The following ZCWPW2 variants were observed in gnomAD, a reference collection of about 807,000 sequenced individuals.
ZCWPW2 encodes the protein zinc finger CW-type and PWWP domain containing 2, also known as zinc finger CW-type PWWP domain protein 2.
Under a neutral mutation model 46.6 loss-of-function variants are expected in ZCWPW2, and 45 were observed. The observed-to-expected ratio is 0.96, with a 90% CI of 0.76 to 1.24. ZCWPW2 has a LOEUF of 1.24. Among genes scored for constraint, ZCWPW2 ranks in the 50% most tolerant of loss-of-function variants. The probability of loss-of-function intolerance (pLI) is 0.00; values close to 1 mark genes in which losing one functional copy is unlikely to be tolerated. For synonymous variants in ZCWPW2, 152 were observed against 137.1 expected, an observed-to-expected ratio of 1.11 and a Z score of -0.76; for missense variants, 429 against 403.9, an observed-to-expected ratio of 1.06 and a Z score of -0.53.
At chr3:28,373,546 G>T (rs1347330893) in intron 1 of ZCWPW2, among the ~76,000 whole-genome samples, 1 of 151,872 alleles carries the variant, frequency 6.6e-6, no homozygotes, top group Admixed American at 6.6e-5. Context: ...GCAATCTCTG[G>T]CTCACTGCAA....
At position 28,476,767 on chromosome 3, in the gene ZCWPW2, G is replaced by T. The variant is rs139083288; in HGVS notation, c.493-2047G>T. ...GTGAAAGCACTGAGCTTGTTTTCCC[G>T]CAACTAGAGGGTCCCATCTGGGGGT... On this transcript the variant is annotated intron_variant, in intron 4 of 9. Transcript: ENST00000383768. Among the ~76,000 whole-genome samples the T allele has an allele frequency of 2.5e-3, 377 of 152,154 alleles. 1 individual carries two copies. The highest frequency in any genetic ancestry group is 8.3e-3 in the African/African-American group (345 of 41,524).
intron 3 of ZCWPW2, among the ~76,000 whole-genome samples, chr3:28,427,044 G>T (rs1693276835): frequency 6.6e-6 from 1 of 152,112 alleles, no homozygotes; most frequent in Admixed American, 6.5e-5. Context: ...TCAATGACTG[G>T]TATCTATCTG....
intron 4 of ZCWPW2, among the ~76,000 whole-genome samples, chr3:28,464,222 C>G (rs1349126100): frequency 6.6e-6 from 1 of 152,028 alleles, no homozygotes; most frequent in Non-Finnish European, 1.5e-5. Context: ...CCTGAGAAAT[C>G]TACACACTGA....
chr3:28,469,427 C>G (rs1038519745), intron 4 of ZCWPW2, among the ~76,000 whole-genome samples: 1 of 151,920 alleles, frequency 6.6e-6, no homozygotes, highest in African/African-American at 2.4e-5. Context: ...CATAGAGTGG[C>G]TGAATGGATA....
intron 1 of ZCWPW2, among the ~76,000 whole-genome samples, chr3:28,380,183 A>C (rs1344336874): frequency 2.6e-5 from 4 of 151,968 alleles, no homozygotes; most frequent in African/African-American, 9.7e-5. Context: ...ACGGGGTTTC[A>C]CCATGTTAGC....
rs140586013 is a variant in ZCWPW2 at position 28,367,125 on chromosome 3, T to G, written c.-134+17922T>G. On this transcript the variant is annotated intron_variant, in intron 1 of 9. Transcript: ENST00000383768. ...TGGCTTCATTGATTTTTTGAAGGGT[T>G]TTTTGTGTCTCTCTTTCCTTCAGTT... is the stretch of plus-strand genomic sequence containing the variant. Among the ~76,000 whole-genome samples, 385 of 152,312 alleles carry G rather than the reference T, an allele frequency of 2.5e-3. 1 individual carries two copies. Among genetic ancestry groups the G allele is most frequent in the African/African-American group, 8.4e-3 (349 of 41,572 alleles).
intron 2 of ZCWPW2, among the ~76,000 whole-genome samples, chr3:28,395,211 A>T (rs60492848): frequency 6.6e-6 from 1 of 152,122 alleles, no homozygotes; most frequent in Non-Finnish European, 1.5e-5. Context: ...CCACAATGAG[A>T]TAACTCTTCA....
At chr3:28,497,324 T>C (rs902752248) in intron 6 of ZCWPW2, among the ~76,000 whole-genome samples, 1 of 151,892 alleles carries the variant, frequency 6.6e-6, no homozygotes, top group Non-Finnish European at 1.5e-5. Context: ...TATATGTTAC[T>C]CTATAGATTT....
chr3:28,491,460 A>C (rs892313421), intron 5 of ZCWPW2, among the ~76,000 whole-genome samples: 1 of 152,102 alleles, frequency 6.6e-6, no homozygotes, highest in Non-Finnish European at 1.5e-5. Context: ...GTATAATGAG[A>C]AAATGTACTA....
intron 2 of ZCWPW2, among the ~76,000 whole-genome samples, chr3:28,400,736 A>G (rs1011859222): frequency 6.6e-6 from 1 of 152,198 alleles, no homozygotes; most frequent in African/African-American, 2.4e-5. Context: ...ATACAAACAA[A>G]TGCTAAGATA....
Position 28,515,628 on chromosome 3 carries a change from G to T in ZCWPW2, c.784+7G>T. Reference sequence around the variant, plus strand: ...TTATCAAAGGAGAACAGGGGTATGTGAAAGCCTGTCCTGCTTTTAGTTCTT... The same window carrying T: ...TTATCAAAGGAGAACAGGGGTATGTTAAAGCCTGTCCTGCTTTTAGTTCTT... On this transcript the variant is annotated splice_region_variant and intron_variant, in intron 8 of 9. Transcript: ENST00000383768. The T allele has an allele frequency of 6.2e-7, 1 of 1,600,240 alleles. No individual in the cohort carries two copies. The highest frequency in any genetic ancestry group is 8.5e-7 in the Non-Finnish European group (1 of 1,177,712).
At chr3:28,488,797 T>C (rs978125210) in intron 5 of ZCWPW2, among the ~76,000 whole-genome samples, 2 of 152,150 alleles carry the variant, frequency 1.3e-5, no homozygotes, top group African/African-American at 2.4e-5. Context: ...TTTCACTCTT[T>C]ATGATGAGAG....
chr3:28,506,086 T>A (rs1444395329), intron 6 of ZCWPW2, among the ~76,000 whole-genome samples: 3 of 145,828 alleles, frequency 2.1e-5, no homozygotes, highest in South Asian at 4.2e-4. Context: ...ATATATATAT[T>A]ATATATATAA....
intron 1 of ZCWPW2, among the ~76,000 whole-genome samples, chr3:28,358,445 T>C (rs976407131): frequency 2.2e-4 from 34 of 152,140 alleles, no homozygotes; most frequent in African/African-American, 8.2e-4. Context: ...ATTGATATTA[T>C]AAAAATAATT....
intron 1 of ZCWPW2, among the ~76,000 whole-genome samples, chr3:28,379,575 G>T (rs1156905866): frequency 1.3e-5 from 2 of 152,014 alleles, no homozygotes; most frequent in Non-Finnish European, 2.9e-5. Flanking sequence ...TGAAACAAAA[G>T]TTTAGAAGGA....
At chr3:28,420,878 T>G (rs1370284013) in intron 3 of ZCWPW2, among the ~76,000 whole-genome samples, 3 of 152,234 alleles carry the variant, frequency 2.0e-5, no homozygotes, top group Non-Finnish European at 4.4e-5. Context: ...CCTATTGTTC[T>G]CTTTTTAAGT....
intron 2 of ZCWPW2, among the ~76,000 whole-genome samples, chr3:28,405,817 A>G (rs939859744): frequency 6.6e-6 from 1 of 152,138 alleles, no homozygotes; most frequent in Admixed American, 6.6e-5. Context: ...CAGAAAGAAA[A>G]GAGGAGTGCA....
chr3:28,349,245 C>A (rs1165128900), intron 1 of ZCWPW2, 42 bp downstream of exon 1: 2 of 977,062 alleles, frequency 2.0e-6, no homozygotes, highest in African/African-American at 1.8e-5. Context: ...GGCCGAGGTC[C>A]CCCTTCAGGG....
chr3:28,357,526 C>T (rs985698683), intron 1 of ZCWPW2, among the ~76,000 whole-genome samples: 16 of 152,060 alleles, frequency 1.1e-4, no homozygotes, highest in Admixed American at 1.0e-3. Flanking sequence ...GCAGCATCAT[C>T]CAATCCACTG....
Sources: allele counts gnomAD v4.1 joint callset (sites outside exome capture counted in the v4.1 genomes callset), GRCh38; gene constraint gnomAD v4.1.1; transcripts MANE v1.5; gene names NCBI Gene and HGNC (gene_info 2026-07-23, HGNC 2026-07-21).